The following GBE1 variants were observed in gnomAD, a reference collection of about 807,000 sequenced individuals.
GBE1 encodes 1,4-alpha-glucan-branching enzyme.
In GBE1, 70 loss-of-function variants were observed where a neutral mutation model predicts 88.8. That is an observed-to-expected ratio of 0.79 (90% CI 0.65 to 0.96). The LOEUF (loss-of-function observed/expected upper bound fraction) is 0.96. Ranked by LOEUF, GBE1 falls within the 40% of genes least tolerant of loss-of-function variation. GBE1 has a pLI of 0.00. For missense variants in GBE1, 872 were observed against 871.0 expected (o/e 1.00, Z -0.01); for synonymous variants, 284 against 300.1 (o/e 0.95, Z 0.56).
intron 12 of GBE1, among the ~76,000 whole-genome samples, chr3:81,568,241 G>T (rs189863716): frequency 2.6e-5 from 4 of 151,886 alleles, no homozygotes; most frequent in African/African-American, 4.8e-5. Flanking sequence ...TCTGCCTCCC[G>T]GGTTCAAGTG....
At position 81,721,402 on chromosome 3, in the gene GBE1, G is replaced by T. The variant is rs894337738; in HGVS notation, c.144-15789C>A. 1.6e-4 allele frequency among the ~76,000 whole-genome samples: 25 copies of T among 151,900 alleles called. 1 individual carries two copies. The highest frequency in any genetic ancestry group is 2.5e-4 in the Non-Finnish European group (17 of 67,968). Reference sequence around the variant, plus strand: ...ACCTAAGCCTTGTATTGCTTATGGGGAACAGTTTTTCAATTCTGTGATCCC... The same window carrying T: ...ACCTAAGCCTTGTATTGCTTATGGGTAACAGTTTTTCAATTCTGTGATCCC... On this transcript the variant is annotated intron_variant, in intron 1 of 15. Transcript: ENST00000429644.
At chr3:81,619,047 C>T (rs1242456193) in intron 7 of GBE1, among the ~76,000 whole-genome samples, 1 of 151,966 alleles carries the variant, frequency 6.6e-6, no homozygotes, top group African/African-American at 2.4e-5. Flanking sequence ...ATAATTTTGT[C>T]ATCTATTGCA....
intron 2 of GBE1, among the ~76,000 whole-genome samples, chr3:81,673,036 G>A (rs937854420): frequency 1.3e-5 from 2 of 151,530 alleles, no homozygotes; most frequent in African/African-American, 2.4e-5. Context: ...TATCTTCAAG[G>A]GCAGCTCTAC....
chr3:81,596,084 A>G (rs1703953289), intron 7 of GBE1, among the ~76,000 whole-genome samples: 1 of 151,960 alleles, frequency 6.6e-6, no homozygotes, highest in Non-Finnish European at 1.5e-5. Context: ...TATTTTATGA[A>G]TCATTAATGA....
chr3:81,601,933 A>G (rs948189312), intron 7 of GBE1, among the ~76,000 whole-genome samples: 7 of 152,236 alleles, frequency 4.6e-5, no homozygotes, highest in Admixed American at 4.6e-4. Context: ...ATGAACAGCA[A>G]ATACAAAGTA....
At chr3:81,707,116 A>G (rs6795133) in intron 1 of GBE1, among the ~76,000 whole-genome samples, 45,782 of 151,916 alleles carry the variant, frequency 0.3, 7,077 homozygotes, top group East Asian at 0.44. Flanking sequence ...CACATATTAA[A>G]AAGAGCATAC....
At chr3:81,756,138 T>A (rs902885066) in intron 1 of GBE1, among the ~76,000 whole-genome samples, 1 of 152,134 alleles carries the variant, frequency 6.6e-6, no homozygotes, top group Non-Finnish European at 1.5e-5. Context: ...GACATCAGAT[T>A]CTCTCAAACT....
chr3:81,633,901 G>A (rs1204489186), intron 7 of GBE1, among the ~76,000 whole-genome samples: 1 of 152,030 alleles, frequency 6.6e-6, no homozygotes, highest in African/African-American at 2.4e-5. Context: ...ATGTTGCTTT[G>A]GTATGCACAG....
chr3:81,500,813 T>C (rs1702576573), intron 14 of GBE1, among the ~76,000 whole-genome samples: 1 of 152,180 alleles, frequency 6.6e-6, no homozygotes, highest in Non-Finnish European at 1.5e-5. Flanking sequence ...AACGTACATG[T>C]TTTTACTATT....
At chr3:81,531,543 A>C (rs1381754659) in intron 14 of GBE1, among the ~76,000 whole-genome samples, 1 of 151,888 alleles carries the variant, frequency 6.6e-6, no homozygotes, top group Non-Finnish European at 1.5e-5. Context: ...TCATTAATTA[A>C]AGAATCCTGC....
intron 2 of GBE1, among the ~76,000 whole-genome samples, chr3:81,697,875 G>A (rs1031585697): frequency 1.3e-5 from 2 of 151,794 alleles, no homozygotes; most frequent in Non-Finnish European, 2.9e-5. Flanking sequence ...GCATTTTAAC[G>A]AAAGACTGTA....
At chr3:81,511,448 G>A (rs1393938851) in intron 14 of GBE1, among the ~76,000 whole-genome samples, 1 of 151,574 alleles carries the variant, frequency 6.6e-6, no homozygotes, top group African/African-American at 2.4e-5. Context: ...AATATCCAGA[G>A]TCTTATGGAA....
intron 7 of GBE1, among the ~76,000 whole-genome samples, chr3:81,610,922 T>C (rs1704173342): frequency 6.6e-6 from 1 of 152,082 alleles, no homozygotes; most frequent in South Asian, 2.1e-4. Context: ...CAGCAAGGGA[T>C]TTCATCTAGC....
rs565085058 is a variant in GBE1 at position 81,603,362 on chromosome 3, G to A, written c.993-9339C>T. On this transcript the variant is annotated intron_variant, in intron 7 of 15. Transcript: ENST00000429644. ...ATAATGAAATAACACTGAATTAGAA[G>A]TCAAGAAAATTATGTTCTAGCCAAT... Among the ~76,000 whole-genome samples the A allele has an allele frequency of 3.3e-5, 5 of 152,104 alleles. No homozygotes were observed. The South Asian group carries it at 1.0e-3, about 31-fold the overall frequency.
chr3:81,694,517 T>C (rs1034492854), intron 2 of GBE1, among the ~76,000 whole-genome samples: 1 of 152,146 alleles, frequency 6.6e-6, no homozygotes, highest in African/African-American at 2.4e-5. Context: ...CGCCTCCTTC[T>C]ACTCTCCAGT....
Position 81,750,524 on chromosome 3 carries a change from CATATATATATATACGTATATATATATGT to C in GBE1, c.143+10823_143+10850del, listed in dbSNP as rs1559708241. Among the ~76,000 whole-genome samples, 52 of 93,884 alleles carry C rather than the reference CATATATATATATACGTATATATATATGT, an allele frequency of 5.5e-4. 2 individuals are homozygous for C. In the East Asian group the frequency reaches 7.5e-3, roughly 14 times the overall value. 61.6% of individuals were successfully genotyped at this position (93,884 alleles called of 152,430 possible). A position where few individuals can be genotyped will look rare whatever the true frequency, so the allele number is the denominator to read the frequency against. On this transcript the variant is annotated intron_variant, in intron 1 of 15. Transcript: ENST00000429644. ...GAAACCAATTTCATCTCAAAACATT[CATATATATATATACGTATATATATATGT>C]ATATATATATGTATATATATATACG...
intron 3 of GBE1, among the ~76,000 whole-genome samples, chr3:81,659,133 CA>C (rs1230921863): frequency 6.6e-6 from 1 of 151,858 alleles, no homozygotes; most frequent in African/African-American, 2.4e-5. Context: ...ATTAAGTAAA[CA>C]GAGTTATAAT....
At chr3:81,649,340 TGAG>T (rs1271320970) in intron 4 of GBE1, among the ~76,000 whole-genome samples, 9 of 152,066 alleles carry the variant, frequency 5.9e-5, no homozygotes, top group Admixed American at 5.9e-4. Flanking sequence ...AGACAGAAAG[TGAG>T]TTCAAACAAT....
chr3:81,600,069 C>A (rs889650852), intron 7 of GBE1, among the ~76,000 whole-genome samples: 12 of 152,064 alleles, frequency 7.9e-5, no homozygotes, highest in Admixed American at 5.9e-4. Context: ...GTCAAGAGAT[C>A]AAGATCATCC....
Sources: gnomAD v4.1 joint callset for allele counts (sites outside exome capture counted in the v4.1 genomes callset) on GRCh38, gnomAD v4.1.1 for gene constraint, MANE v1.5 for transcripts, NCBI Gene and HGNC (gene_info 2026-07-23, HGNC 2026-07-21) for gene names.